CMIP: variants seen among roughly 807,000 people sequenced by gnomAD.
CMIP encodes C-Maf-inducing protein.
In CMIP, 13 loss-of-function variants were observed where a neutral mutation model predicts 97.3. The ratio of observed to expected loss-of-function variants is 0.13; its 90% CI spans 0.09 to 0.21. The LOEUF is 0.21. Ranked by LOEUF, CMIP falls within the 10% of genes least tolerant of loss-of-function variation. The pLI is 1.00. For synonymous variants in CMIP, 538 were observed against 436.3 expected (o/e 1.23, Z -2.91); for missense variants, 847 against 1,024.9 (o/e 0.83, Z 2.37).
chr16:81,635,207 C>A (rs548799289), intron 3 of CMIP, among the ~76,000 whole-genome samples: 1 of 151,780 alleles, frequency 6.6e-6, no homozygotes, highest in South Asian at 2.1e-4. Context: ...CCCACCCCCA[C>A]CCCGTAGTCT....
intron 1 of CMIP, among the ~76,000 whole-genome samples, chr16:81,599,842 T>G (rs1409082973): frequency 1.3e-5 from 2 of 152,140 alleles, no homozygotes; most frequent in African/African-American, 2.4e-5. Context: ...AAATGAGGGA[T>G]TATATATAAA....
At chr16:81,477,027 TA>T (rs1316547871) in intron 1 of CMIP, among the ~76,000 whole-genome samples, 1 of 152,028 alleles carries the variant, frequency 6.6e-6, no homozygotes, top group African/African-American at 2.4e-5. Flanking sequence ...GGACCATTTT[TA>T]TCTCGTGGGG....
At chr16:81,452,423 C>T (rs554163813) in intron 1 of CMIP, among the ~76,000 whole-genome samples, 5 of 152,224 alleles carry the variant, frequency 3.3e-5, no homozygotes, top group Admixed American at 6.5e-5. Context: ...TCTAGGCACT[C>T]GGAAGAAAAC....
chr16:81,467,145 G>C (rs762019561), intron 1 of CMIP, among the ~76,000 whole-genome samples: 5 of 152,216 alleles, frequency 3.3e-5, no homozygotes, highest in Non-Finnish European at 7.3e-5. Flanking sequence ...GCGAGGTTGT[G>C]TGATGTGGGC....
chr16:81,702,720 C>T, intron 17 of CMIP, 51 bp downstream of exon 17: 7 of 1,546,698 alleles, frequency 4.5e-6, no homozygotes, highest in Non-Finnish European at 6.2e-6. Context: ...TGGGTTGGTC[C>T]TCTCTGTTGG....
chr16:81,495,462 G>A, intron 1 of CMIP: 1 of 1,612,730 alleles, frequency 6.2e-7, no homozygotes, highest in South Asian at 1.1e-5. Flanking sequence ...TCTCCGCCCT[G>A]GCGTCCGGGG....
chr16:81,625,260 G>C (rs1369219413), intron 3 of CMIP, among the ~76,000 whole-genome samples: 1 of 152,250 alleles, frequency 6.6e-6, no homozygotes, highest in African/African-American at 2.4e-5. Context: ...CCACCTCCCA[G>C]CATTCGCTAG....
intron 10 of CMIP, among the ~76,000 whole-genome samples, chr16:81,685,290 G>A (rs1905263884): frequency 5.3e-5 from 8 of 152,156 alleles, no homozygotes; most frequent in Admixed American, 5.2e-4. Context: ...AGAGGAGGAG[G>A]CTTCTGTCCA....
chr16:81,546,635 C>T (rs765617471), intron 1 of CMIP, among the ~76,000 whole-genome samples: 152 of 152,234 alleles, frequency 1.0e-3, no homozygotes, highest in Non-Finnish European at 1.6e-3. Context: ...GCTGCGGCCT[C>T]GTGGAGAAAA....
intron 1 of CMIP, among the ~76,000 whole-genome samples, chr16:81,515,009 C>T (rs1209766486): frequency 6.6e-6 from 1 of 152,204 alleles, no homozygotes; most frequent in Non-Finnish European, 1.5e-5. Flanking sequence ...GCCCAACAGC[C>T]CTGGAGGAAG....
At chr16:81,706,547 C>T (rs1198711450) in intron 19 of CMIP, among the ~76,000 whole-genome samples, 1 of 152,248 alleles carries the variant, frequency 6.6e-6, no homozygotes, top group Non-Finnish European at 1.5e-5. Flanking sequence ...TGCGGCCCTG[C>T]TCAGCGTCTC....
chr16:81,623,874 G>T (rs2092024218), intron 3 of CMIP, among the ~76,000 whole-genome samples: 1 of 152,104 alleles, frequency 6.6e-6, no homozygotes. Flanking sequence ...TAGAACCAAG[G>T]CTCAGAGAGA....
intron 1 of CMIP, among the ~76,000 whole-genome samples, chr16:81,602,014 T>C (rs2091666410): frequency 6.6e-6 from 1 of 152,216 alleles, no homozygotes; most frequent in Non-Finnish European, 1.5e-5. Flanking sequence ...TAATTCCATT[T>C]CTGGGAATCT....
rs1383593515 is a variant in CMIP at position 81,601,789 on chromosome 16, C to A, written c.301-5778C>A. Among the ~76,000 whole-genome samples the A allele has an allele frequency of 5.3e-5, 8 of 152,302 alleles. No homozygotes were observed. In the East Asian group the frequency reaches 1.5e-3, roughly 29 times the overall value. On this transcript the variant is annotated intron_variant, in intron 1 of 20. Transcript: ENST00000537098. ...TTGTGGGCTGCCGCATCTCCAATAC[C>A]CTCTGGGCACCGTCACCTTGCGGGC... is the stretch of plus-strand genomic sequence containing the variant.
intron 1 of CMIP, among the ~76,000 whole-genome samples, chr16:81,558,226 C>T (rs544635972): frequency 1.8e-4 from 27 of 152,268 alleles, no homozygotes; most frequent in Admixed American, 5.2e-4. Context: ...ACCTCTCGGC[C>T]GTTAGAGATA....
intron 1 of CMIP, among the ~76,000 whole-genome samples, chr16:81,481,940 G>A (rs185000300): frequency 1.3e-5 from 2 of 150,272 alleles, no homozygotes; most frequent in South Asian, 2.1e-4. Flanking sequence ...GTGCAGTGGC[G>A]CAATCTTGGC....
chr16:81,450,948 G>A (rs916363792), intron 1 of CMIP, among the ~76,000 whole-genome samples: 1 of 152,176 alleles, frequency 6.6e-6, no homozygotes, highest in East Asian at 1.9e-4. Flanking sequence ...TGTCTACCGT[G>A]GTTCTTCACT....
chr16:81,491,083 G>A (rs2089398116), intron 1 of CMIP, among the ~76,000 whole-genome samples: 1 of 152,164 alleles, frequency 6.6e-6, no homozygotes, highest in Non-Finnish European at 1.5e-5. Flanking sequence ...CTGAGAGACT[G>A]GGGTAGGGGT....
chr16:81,531,619 C>T (rs982773991), intron 1 of CMIP, among the ~76,000 whole-genome samples: 1 of 152,206 alleles, frequency 6.6e-6, no homozygotes, highest in African/African-American at 2.4e-5. Context: ...TGAGGAGGCT[C>T]GGGCCACACC....
Sources: allele counts gnomAD v4.1 joint callset (sites outside exome capture counted in the v4.1 genomes callset), GRCh38; gene constraint gnomAD v4.1.1; transcripts MANE v1.5; gene names NCBI Gene and HGNC (gene_info 2026-07-23, HGNC 2026-07-21).